ZNF423: variants seen among roughly 807,000 people sequenced by gnomAD.
ZNF423 encodes the protein zinc finger protein 423, also known as Ebf-associated zinc finger protein.
ZNF423 carries 12 observed loss-of-function variants against 95.8 expected under a neutral mutation model. The observed-to-expected ratio is 0.13, with a 90% CI of 0.08 to 0.20. The LOEUF (loss-of-function observed/expected upper bound fraction) is 0.20. Among genes scored for constraint, ZNF423 ranks in the 10% least tolerant of loss-of-function variants. The pLI, the probability that ZNF423 is intolerant of heterozygous loss-of-function variation, is 1.00. For missense variants in ZNF423, 1,316 were observed against 1,737.1 expected (o/e 0.76, Z 4.31); for synonymous variants, 749 against 711.9 (o/e 1.05, Z -0.83).
chr16:49,637,339 G>A lies in ZNF423; in HGVS notation c.1837C>T (p.Pro613Ser). Residue 613 changes from proline to serine, a missense_variant, in exon 4 of 8, where the codon CCA (proline) becomes TCA (serine). This residue lies in a region of ZNF423 where 620 missense variants were observed against 775.6 expected (regional missense o/e 0.80). Coordinates refer to ENST00000563137, the MANE Select transcript of ZNF423 (RefSeq NM_001379286.1). This position sits in a 1 kb window ranked among gnomAD's most constrained non-coding sequence, Gnocchi z 5.6. ...GACACCTCCACATCGGACGAGACTG[G>A]GCTCTGCTCGGCCTTGGACTTCTTG... ...HSKKSKAEQS[P>S]VSSDVEVSSP... 1 of 1,614,224 alleles carries A rather than the reference G, an allele frequency of 6.2e-7. No individual in the cohort carries two copies. The highest frequency in any genetic ancestry group is 8.5e-7 in the Non-Finnish European group (1 of 1,180,050).
At chr16:49,570,112 C>T (rs1438307357) in intron 5 of ZNF423, among the ~76,000 whole-genome samples, 2 of 152,184 alleles carry the variant, frequency 1.3e-5, no homozygotes, top group Non-Finnish European at 2.9e-5. Context: ...CTCCCAGAAA[C>T]TCACAAATGA....
intron 3 of ZNF423, chr16:49,707,871 G>A (rs951771365): frequency 6.6e-6 from 1 of 152,154 alleles, no homozygotes; most frequent in Non-Finnish European, 1.5e-5. Flanking sequence ...AATGTGCAAT[G>A]GTGCGATCTT....
At chr16:49,699,937 C>T (rs937738169) in intron 3 of ZNF423, among the ~76,000 whole-genome samples, 4 of 152,090 alleles carry the variant, frequency 2.6e-5, no homozygotes, top group African/African-American at 9.7e-5. Context: ...ACAGCAGCTC[C>T]CGAGCCAGGG....
At chr16:49,680,833 GC>G (rs1239223748) in intron 3 of ZNF423, among the ~76,000 whole-genome samples, 1 of 152,260 alleles carries the variant, frequency 6.6e-6, no homozygotes, top group African/African-American at 2.4e-5. Context: ...GGTCAAGGGT[GC>G]AGAACGAGCC....
chr16:49,543,339 C>T (rs145715538), intron 5 of ZNF423, among the ~76,000 whole-genome samples: 25 of 152,262 alleles, frequency 1.6e-4, no homozygotes, highest in Non-Finnish European at 2.9e-4. Flanking sequence ...CCCCCAATCC[C>T]CACAGCCTCC....
intron 5 of ZNF423, among the ~76,000 whole-genome samples, chr16:49,583,943 C>T (rs865837310): frequency 6.6e-6 from 1 of 152,222 alleles, no homozygotes; most frequent in African/African-American, 2.4e-5. Context: ...CTGGGGTGCT[C>T]AGGAATGTGT....
At chr16:49,761,068 G>GCA (rs1051989556) in intron 2 of ZNF423, among the ~76,000 whole-genome samples, 2 of 133,834 alleles carry the variant, frequency 1.5e-5, no homozygotes, top group African/African-American at 5.8e-5. Flanking sequence ...ACACACACAT[G>GCA]CACACACACA....
At position 49,492,382 on chromosome 16, in the gene ZNF423, C is replaced by G. The variant is rs560981142; in HGVS notation, c.3850-1078G>C. On this transcript the variant is annotated intron_variant, in intron 7 of 7. Coordinates refer to ENST00000563137, the MANE Select transcript of ZNF423 (RefSeq NM_001379286.1). This position sits in a 1 kb window ranked among gnomAD's most constrained non-coding sequence, Gnocchi z 4.2. The stretch of plus-strand genomic sequence containing the variant: ...ACTCCTGCAGCTGTGCCGCTGACCG[C>G]CAGGGGTCAGCAGAGGCACCGCGTC... Among the ~76,000 whole-genome samples, 1,223 of 152,302 alleles carry G rather than the reference C, an allele frequency of 8.0e-3. 7 individuals are homozygous for G. Among genetic ancestry groups the G allele is most frequent in the Non-Finnish European group, 0.01 (694 of 67,998 alleles).
rs191740243 is a variant in ZNF423 at position 49,626,038 on chromosome 16, T to G, written c.3601+132A>C. 1.5e-5 allele frequency: 12 copies of G among 823,148 alleles called. No individual in the cohort carries two copies. In the East Asian group the frequency reaches 3.0e-4, roughly 21 times the overall value. The allele number at this position is 823,148 out of a possible 1,614,324, so 51.0% of individuals were successfully genotyped here. A position where few individuals can be genotyped will look rare whatever the true frequency, so the allele number is the denominator to read the frequency against. On this transcript the variant is annotated intron_variant, in intron 5 of 7. Coordinates refer to ENST00000563137, the MANE Select transcript of ZNF423 (RefSeq NM_001379286.1). Reference sequence around the variant, plus strand: ...CCCCATTCTGACATTTTCACTCCCATGTGCAATGTCTCAGAAACAGCAGCA... The same window carrying G: ...CCCCATTCTGACATTTTCACTCCCAGGTGCAATGTCTCAGAAACAGCAGCA...
intron 5 of ZNF423, among the ~76,000 whole-genome samples, chr16:49,606,511 T>C (rs939798399): frequency 6.6e-6 from 1 of 152,124 alleles, no homozygotes; most frequent in Non-Finnish European, 1.5e-5. Flanking sequence ...CAGGGGGTGA[T>C]GTGGTAGCCC....
chr16:49,576,283 T>TGA (rs1970497958), intron 5 of ZNF423, among the ~76,000 whole-genome samples: 1 of 152,210 alleles, frequency 6.6e-6, no homozygotes, highest in Admixed American at 6.5e-5. Flanking sequence ...CTCAGGCAGC[T>TGA]GACTGGGGTG....
At position 49,637,229 on chromosome 16, in the gene ZNF423, G is replaced by A; in HGVS notation, c.1947C>T (p.Phe649=). 6.2e-7 allele frequency: 1 copy of A among 1,614,112 alleles called. No individual in the cohort carries two copies. Among genetic ancestry groups the A allele is most frequent in the Middle Eastern group, 1.6e-4 (1 of 6,062 alleles). The change falls in exon 4 of 8, where the codon TTC becomes TTT. Residue 649 remains phenylalanine, a synonymous_variant. Transcript: ENST00000563137. This position sits in a 1 kb window ranked among gnomAD's most constrained non-coding sequence, Gnocchi z 5.6. ...EYPCNQCDLK[F]SNFESFQTHL... ...GGGTCTGGAAGCTCTCAAAGTTGGA[G>A]AACTTGAGGTCGCATTGATTGCAAG... is the stretch of plus-strand genomic sequence containing the variant.
At chr16:49,605,936 A>G (rs1272214378) in intron 5 of ZNF423, among the ~76,000 whole-genome samples, 1 of 152,234 alleles carries the variant, frequency 6.6e-6, no homozygotes, top group African/African-American at 2.4e-5. Flanking sequence ...CTACCTGGTG[A>G]TGGGACGAAT....
chr16:49,751,943 C>T (rs2033640217), intron 2 of ZNF423, among the ~76,000 whole-genome samples: 1 of 152,060 alleles, frequency 6.6e-6, no homozygotes, highest in Non-Finnish European at 1.5e-5. Context: ...AGTGAAGAGG[C>T]CCCCACAGCC....
intron 3 of ZNF423, among the ~76,000 whole-genome samples, chr16:49,697,084 T>G (rs1368832770): frequency 6.6e-6 from 1 of 152,182 alleles, no homozygotes; most frequent in Non-Finnish European, 1.5e-5. Flanking sequence ...CACACCTTTC[T>G]TCGACCTTCC....
chr16:49,795,708 C>G (rs1486519074), intron 1 of ZNF423, among the ~76,000 whole-genome samples: 1 of 152,176 alleles, frequency 6.6e-6, no homozygotes, highest in Non-Finnish European at 1.5e-5. Flanking sequence ...GAGGTAGGAA[C>G]GGGCTCAATC....
intron 2 of ZNF423, 150 bp from the exon 3 acceptor site, chr16:49,731,121 G>C (rs1438988075): frequency 2.1e-6 from 2 of 973,246 alleles, no homozygotes; most frequent in African/African-American, 3.3e-5. Context: ...TTAATAGATG[G>C]GGTTTTTTTG....
intron 2 of ZNF423, among the ~76,000 whole-genome samples, chr16:49,760,775 A>G (rs748008450): frequency 5.9e-5 from 9 of 151,502 alleles, no homozygotes; most frequent in Non-Finnish European, 1.3e-4. Context: ...TCCCCCTGAG[A>G]CTCAGGACAG....
intron 5 of ZNF423, among the ~76,000 whole-genome samples, chr16:49,577,720 T>C (rs907644036): frequency 6.6e-6 from 1 of 152,102 alleles, no homozygotes; most frequent in African/African-American, 2.4e-5. Context: ...TCCTCACTCA[T>C]GGAGAGAAGG....
Sources: gnomAD v4.1 joint callset for allele counts (sites outside exome capture counted in the v4.1 genomes callset) on GRCh38, gnomAD v4.1.1 for gene constraint, gnomAD v4.1.1 regional missense constraint, Gnocchi (gnomAD v3.1) non-coding constraint, MANE v1.5 for transcripts, NCBI Gene and HGNC (gene_info 2026-07-23, HGNC 2026-07-21) for gene names.